RABGAP1L: variants seen among roughly 807,000 people sequenced by gnomAD.
RABGAP1L encodes RAB GTPase activating protein 1 like, also known as rab GTPase-activating protein 1-like.
In RABGAP1L, 63 loss-of-function variants were observed where a neutral mutation model predicts 137.7. That is an observed-to-expected ratio of 0.46 (90% CI 0.37 to 0.56). The LOEUF (loss-of-function observed/expected upper bound fraction) is 0.56. Ranked by LOEUF, RABGAP1L falls within the 20% of genes least tolerant of loss-of-function variation. The pLI, the probability that RABGAP1L is intolerant of heterozygous loss-of-function variation, is 0.00. For synonymous variants in RABGAP1L, 431 were observed against 433.7 expected (o/e 0.99, Z 0.08); for missense variants, 1,095 against 1,244.0 (o/e 0.88, Z 1.80).
intron 21 of RABGAP1L, among the ~76,000 whole-genome samples, chr1:174,971,334 A>G (rs1670112209): frequency 6.6e-6 from 1 of 151,880 alleles, no homozygotes; most frequent in African/African-American, 2.4e-5. Context: ...TCATTTCTTC[A>G]CCAAGAGAAC....
chr1:174,617,402 T>A (rs1671988973), intron 13 of RABGAP1L, among the ~76,000 whole-genome samples: 1 of 152,196 alleles, frequency 6.6e-6, no homozygotes, highest in African/African-American at 2.4e-5. Context: ...CAAAAAATGC[T>A]CCATCATACA....
chr1:174,346,035 A>G (rs535442215), intron 11 of RABGAP1L, among the ~76,000 whole-genome samples: 3 of 152,216 alleles, frequency 2.0e-5, no homozygotes, highest in African/African-American at 7.2e-5. Flanking sequence ...TCTGTTGATA[A>G]TGTATCAGAT....
At chr1:174,925,387 A>C (rs1057451090) in intron 19 of RABGAP1L, among the ~76,000 whole-genome samples, 5 of 151,526 alleles carry the variant, frequency 3.3e-5, no homozygotes, top group Admixed American at 1.3e-4. Context: ...AAACAGCAAA[A>C]AACAACAACA....
intron 13 of RABGAP1L, among the ~76,000 whole-genome samples, chr1:174,551,175 C>T (rs1666520531): frequency 6.7e-6 from 1 of 150,150 alleles, no homozygotes; most frequent in Admixed American, 6.6e-5. Context: ...CACCACTGCA[C>T]TCCAGCCTGG....
chr1:174,471,037 G>GAAAA (rs140550042), intron 13 of RABGAP1L, among the ~76,000 whole-genome samples: 3 of 150,042 alleles, frequency 2.0e-5, no homozygotes, highest in African/African-American at 7.3e-5. Context: ...AGGTATTTAG[G>GAAAA]AAAAAAAAAC....
intron 18 of RABGAP1L, among the ~76,000 whole-genome samples, chr1:174,780,221 A>G (rs576443410): frequency 1.3e-5 from 2 of 152,072 alleles, no homozygotes; most frequent in East Asian, 1.9e-4. Context: ...GCCCTCACTG[A>G]CTCCTGAATA....
At chr1:174,845,268 T>G (rs1693934770) in intron 19 of RABGAP1L, among the ~76,000 whole-genome samples, 1 of 107,304 alleles carries the variant, frequency 9.3e-6, no homozygotes, top group African/African-American at 2.9e-5. Context: ...CTATGTTGAA[T>G]AGGAGCGGTG....
chr1:174,634,880 T>TGGTGG (rs1380368559), intron 13 of RABGAP1L, among the ~76,000 whole-genome samples: 9 of 102,444 alleles, frequency 8.8e-5, no homozygotes, highest in African/African-American at 3.3e-4. Flanking sequence ...CTGGGGACTG[T>TGGTGG]GGTGGGGTGG....
chr1:174,165,037 C>T (rs1465965394), intron 1 of RABGAP1L, among the ~76,000 whole-genome samples: 2 of 151,984 alleles, frequency 1.3e-5, no homozygotes, highest in African/African-American at 4.8e-5. Flanking sequence ...GGACTTTATG[C>T]TTAGGTGGGG....
chr1:174,286,603 G>C (rs1039067860), intron 10 of RABGAP1L, among the ~76,000 whole-genome samples: 3 of 151,590 alleles, frequency 2.0e-5, no homozygotes, highest in African/African-American at 7.3e-5. Flanking sequence ...GCTAATTTGG[G>C]TCCAGTTTTT....
chr1:174,701,003 C>T, intron 16 of RABGAP1L: 6 of 1,226,458 alleles, frequency 4.9e-6, no homozygotes, highest in Middle Eastern at 2.3e-4. Flanking sequence ...TTGGACGTTC[C>T]ATTTGAAGTA....
chr1:174,481,894 A>G (rs889009558), intron 13 of RABGAP1L, among the ~76,000 whole-genome samples: 1 of 148,952 alleles, frequency 6.7e-6, no homozygotes, highest in African/African-American at 2.5e-5. Flanking sequence ...AAAAAAAAAG[A>G]AAAAAAAAGA....
chr1:174,329,794 A>T (rs1269239764), intron 11 of RABGAP1L, among the ~76,000 whole-genome samples: 4 of 152,224 alleles, frequency 2.6e-5, no homozygotes, highest in African/African-American at 9.6e-5. Context: ...TAAAGCTTCC[A>T]GCAAATTATG....
rs573295592 is a variant in RABGAP1L at position 174,477,182 on chromosome 1, C to T, written c.1710+83037C>T. Among the ~76,000 whole-genome samples, 5 of 152,264 alleles carry T rather than the reference C, an allele frequency of 3.3e-5. No homozygotes were observed. The East Asian group carries it at 9.6e-4, about 29-fold the overall frequency. On this transcript the variant is annotated intron_variant, in intron 13 of 25. Coordinates refer to ENST00000681986, the MANE Select transcript of RABGAP1L (RefSeq NM_001366446.1). The stretch of plus-strand genomic sequence containing the variant: ...CCAGATAAAATGCTGAAAGTTAATA[C>T]TGGATAGGCTGCTGTCATAAATCTC...
intron 18 of RABGAP1L, among the ~76,000 whole-genome samples, chr1:174,810,483 C>A (rs1305739052): frequency 6.6e-6 from 1 of 152,202 alleles, no homozygotes; most frequent in Non-Finnish European, 1.5e-5. Flanking sequence ...GACCCTGTTA[C>A]AAGCAGGAAT....
chr1:174,266,615 A>C (rs1674096428), intron 7 of RABGAP1L, among the ~76,000 whole-genome samples: 2 of 152,216 alleles, frequency 1.3e-5, no homozygotes, highest in African/African-American at 4.8e-5. Context: ...TCCACAAGTC[A>C]CTATATACAT....
At chr1:174,770,339 A>G (rs1686017751) in intron 18 of RABGAP1L, among the ~76,000 whole-genome samples, 1 of 152,230 alleles carries the variant, frequency 6.6e-6, no homozygotes. Flanking sequence ...AAGGAATTTT[A>G]AAGTTTTAAA....
chr1:174,446,919 T>C (rs952298655), intron 13 of RABGAP1L, among the ~76,000 whole-genome samples: 2 of 152,174 alleles, frequency 1.3e-5, no homozygotes, highest in South Asian at 2.1e-4. Context: ...AATGGCAGCA[T>C]TTCTGGTCAA....
intron 13 of RABGAP1L, among the ~76,000 whole-genome samples, chr1:174,399,615 A>T (rs993924690): frequency 2.3e-4 from 35 of 152,164 alleles, no homozygotes; most frequent in African/African-American, 8.0e-4. Flanking sequence ...TGCTATAAGG[A>T]CCTACCTGAG....
Sources: gnomAD v4.1 joint callset for allele counts (sites outside exome capture counted in the v4.1 genomes callset) on GRCh38, gnomAD v4.1.1 for gene constraint, MANE v1.5 for transcripts, NCBI Gene and HGNC (gene_info 2026-07-23, HGNC 2026-07-21) for gene names.